The following TTC21B variants were observed in gnomAD, a reference collection of about 807,000 sequenced individuals.
The protein encoded by TTC21B is tetratricopeptide repeat protein 21B.
TTC21B carries 127 observed loss-of-function variants against 175.1 expected under a neutral mutation model. The ratio of observed to expected loss-of-function variants is 0.73; its 90% CI spans 0.63 to 0.84. TTC21B has a LOEUF of 0.84. Among genes scored for constraint, TTC21B ranks in the 40% least tolerant of loss-of-function variants. The pLI, the probability that TTC21B is intolerant of heterozygous loss-of-function variation, is 0.00. For synonymous variants in TTC21B, 524 were observed against 524.5 expected (o/e 1.00, Z 0.01); for missense variants, 1,561 against 1,558.3 (o/e 1.00, Z -0.03).
In TTC21B at chr2:165,880,695, C is replaced by T; in HGVS notation, c.3789G>A (p.Arg1263=). Residue 1263 remains arginine (R), a synonymous_variant, in exon 27 of 29, where the codon CGG becomes CGA. Transcript: ENST00000243344. ...CAAACTCACCTACTGCCGGATTTGT[C>T]CGATTGCTATATTTCCATGCCATCT... is the stretch of plus-strand genomic sequence containing the variant. ...NYEMAWKYSN[R]TNPAVGYKLA... is the part of the protein sequence containing the mutation. The T allele has an allele frequency of 6.2e-7, 1 of 1,613,538 alleles. No homozygotes were observed. Among genetic ancestry groups the T allele is most frequent in the Non-Finnish European group, 8.5e-7 (1 of 1,179,760 alleles).
intron 5 of TTC21B, among the ~76,000 whole-genome samples, chr2:165,942,883 CAA>C (rs1177916416): frequency 6.6e-6 from 1 of 152,176 alleles, no homozygotes; most frequent in Non-Finnish European, 1.5e-5. Context: ...TCCATAAAAA[CAA>C]GAGGTTTTCT....
intron 24 of TTC21B, among the ~76,000 whole-genome samples, chr2:165,889,421 C>G (rs1031421721): frequency 3.3e-5 from 5 of 152,298 alleles, no homozygotes; most frequent in African/African-American, 1.2e-4. Flanking sequence ...CTACCACTCA[C>G]AAAGAGACCA....
intron 20 of TTC21B, among the ~76,000 whole-genome samples, chr2:165,900,979 G>T (rs1304338259): frequency 6.4e-4 from 96 of 149,260 alleles, no homozygotes; most frequent in African/African-American, 2.2e-3. Flanking sequence ...ATGGTTAACT[G>T]CAGCCTTGAC....
intron 15 of TTC21B, among the ~76,000 whole-genome samples, chr2:165,914,971 G>A (rs1420771363): frequency 6.6e-6 from 1 of 151,970 alleles, no homozygotes; most frequent in Non-Finnish European, 1.5e-5. Flanking sequence ...TTGATAAGGA[G>A]AGCTGAGAAA....
At chr2:165,904,047 G>GT (rs1685649799) in intron 19 of TTC21B, among the ~76,000 whole-genome samples, 1 of 152,120 alleles carries the variant, frequency 6.6e-6, no homozygotes, top group Admixed American at 6.5e-5. Context: ...ATGGCATGCT[G>GT]TTTTTTGATG....
rs1193412129 is a variant in TTC21B, at chr2:165,943,252, T to C, written c.519A>G (p.Gln173=). The C allele has an allele frequency of 6.2e-7, 1 of 1,613,588 alleles. No homozygotes were observed. Among genetic ancestry groups the C allele is most frequent in the Non-Finnish European group, 8.5e-7 (1 of 1,179,636 alleles). The part of the protein sequence containing the change: ...KALKYFEEGL[Q]DGNDTFALLG... ...GCAGAGCAAAAGTATCATTCCCATC[T>C]TGGAGTCCCTCTTCAAAATACTTCA... Residue 173 remains glutamine, a synonymous_variant, in exon 5 of 29, where the codon CAA becomes CAG. Transcript: ENST00000243344.
rs72887416 is a variant in TTC21B, at chr2:165,930,732, G to T, written c.895-368C>A. Among the ~76,000 whole-genome samples, 861 of 109,458 alleles carry T rather than the reference G, an allele frequency of 7.9e-3. 47 individuals carry two copies. The highest frequency in any genetic ancestry group is 0.015 in the South Asian group (46 of 3,014). The allele number at this position is 109,458 out of a possible 152,430, so 71.8% of individuals were successfully genotyped here. A position where few individuals can be genotyped will look rare whatever the true frequency, so the allele number is the denominator to read the frequency against. ...TATTTTATGGTTACGTGGGTATGGG[G>T]GTGTGTGTGTGTGTGTGTGTGTGTG... On this transcript the variant is annotated intron_variant, in intron 8 of 28. Transcript: ENST00000243344.
At chr2:165,940,593 A>C (rs570965389) in intron 6 of TTC21B, among the ~76,000 whole-genome samples, 1 of 152,146 alleles carries the variant, frequency 6.6e-6, no homozygotes, top group East Asian at 1.9e-4. Flanking sequence ...TTACTCCCTT[A>C]CCTTCTTTAG....
At chr2:165,894,883 G>C (rs1324933061) in intron 22 of TTC21B, among the ~76,000 whole-genome samples, 2 of 152,124 alleles carry the variant, frequency 1.3e-5, no homozygotes, top group Non-Finnish European at 2.9e-5. Flanking sequence ...AATACTATAA[G>C]TAATAAAGAC....
chr2:165,941,224 T>G, intron 5 of TTC21B, 40 bp from the exon 6 acceptor site: 1 of 1,610,550 alleles, frequency 6.2e-7, no homozygotes, highest in Non-Finnish European at 8.5e-7. Flanking sequence ...AACTGTGATC[T>G]TTCATATCAA....
At chr2:165,927,858 C>T (rs953355336) in intron 11 of TTC21B, among the ~76,000 whole-genome samples, 3 of 152,142 alleles carry the variant, frequency 2.0e-5, no homozygotes, top group African/African-American at 7.2e-5. Context: ...TTCCTTATTT[C>T]CCATGTTAAC....
At chr2:165,905,733 C>G (rs1685703810) in intron 19 of TTC21B, among the ~76,000 whole-genome samples, 1 of 151,988 alleles carries the variant, frequency 6.6e-6, no homozygotes, top group Non-Finnish European at 1.5e-5. Context: ...ACAAATAGAC[C>G]AAAACCAAGC....
At chr2:165,950,264 GAATA>G (rs1286196401) in intron 1 of TTC21B, among the ~76,000 whole-genome samples, 1 of 152,128 alleles carries the variant, frequency 6.6e-6, no homozygotes, top group Non-Finnish European at 1.5e-5. Flanking sequence ...TGTCAGTTAA[GAATA>G]AATAAACTAT....
At chr2:165,888,580 T>G (rs890416816) in intron 24 of TTC21B, 106 bp from the exon 25 acceptor site, 1 of 796,968 alleles carries the variant, frequency 1.3e-6, no homozygotes, top group South Asian at 1.5e-5. Context: ...TCTTTTATAC[T>G]CTTTTTGTCA....
chr2:165,924,582 CTGTT>C lies in TTC21B; in HGVS notation c.1479_1482del (p.Thr494SerfsTer3), dbSNP rs1686551975. The C allele has an allele frequency of 6.2e-6, 10 of 1,613,752 alleles. No homozygotes were observed. The highest frequency in any genetic ancestry group is 2.2e-5 in the East Asian group (1 of 44,806). ...TATTTCACTTTTGCTATTAGGAAGA[CTGTT>C]TGCAGAAGACCTGGAACAGTTCTTA... On this transcript the variant is annotated frameshift_variant, in exon 12 of 29. Coordinates refer to ENST00000243344, the MANE Select transcript of TTC21B (RefSeq NM_024753.5). LOFTEE classifies it high-confidence loss of function.
intron 22 of TTC21B, among the ~76,000 whole-genome samples, chr2:165,895,038 C>T (rs1253410573): frequency 1.3e-5 from 2 of 152,010 alleles, no homozygotes; most frequent in African/African-American, 4.8e-5. Flanking sequence ...CCCAGCACCA[C>T]ATAAGACATT....
chr2:165,940,664 T>C (rs1687330813), intron 6 of TTC21B, among the ~76,000 whole-genome samples: 1 of 152,134 alleles, frequency 6.6e-6, no homozygotes, highest in Non-Finnish European at 1.5e-5. Flanking sequence ...CCCTCAACAC[T>C]CCCCATCTCT....
chr2:165,938,459 A>G (rs1246103602), intron 6 of TTC21B, among the ~76,000 whole-genome samples: 1 of 152,200 alleles, frequency 6.6e-6, no homozygotes, highest in African/African-American at 2.4e-5. Flanking sequence ...ACATTCTGTC[A>G]CTGTGATGAA....
intron 11 of TTC21B, among the ~76,000 whole-genome samples, chr2:165,925,616 C>T (rs1002522679): frequency 5.3e-5 from 8 of 152,218 alleles, no homozygotes; most frequent in Non-Finnish European, 8.8e-5. Flanking sequence ...ACAATATATA[C>T]GCTCAAAAAG....
Sources: allele counts gnomAD v4.1 joint callset (sites outside exome capture counted in the v4.1 genomes callset), GRCh38; gene constraint gnomAD v4.1.1; transcripts MANE v1.5; gene names NCBI Gene and HGNC (gene_info 2026-07-23, HGNC 2026-07-21).